Variants in DHX9 observed in about 807,000 individuals in gnomAD.
DHX9 encodes ATP-dependent RNA helicase A.
A neutral mutation model predicts 148.7 loss-of-function variants in DHX9; 27 were observed. That is an observed-to-expected ratio of 0.18 (90% CI 0.13 to 0.25). The LOEUF is 0.25. Among genes scored for constraint, DHX9 ranks in the 10% least tolerant of loss-of-function variants. DHX9 has a pLI of 1.00. For synonymous variants in DHX9, 529 were observed against 516.6 expected (o/e 1.02, Z -0.33); for missense variants, 796 against 1,559.6 (o/e 0.51, Z 8.25).
intron 3 of DHX9, among the ~76,000 whole-genome samples, chr1:182,846,100 C>G (rs917112749): frequency 6.6e-6 from 1 of 152,192 alleles, no homozygotes; most frequent in South Asian, 2.1e-4. Flanking sequence ...GTTCTGGTGA[C>G]CATCCCCCCA....
chr1:182,883,051 G>C (rs1467378028), intron 24 of DHX9, 88 bp from the exon 25 acceptor site: 2 of 895,636 alleles, frequency 2.2e-6, no homozygotes, highest in Non-Finnish European at 3.6e-6. Flanking sequence ...GGAAGAGTCA[G>C]TTCTCTGAAT....
rs369268294 is a variant in DHX9, at chr1:182,871,826, G to A, written c.1558-511G>A. ...TTAAAAATATAGTCGGCCGAGGCGG[G>A]TGGATCACTTGAGGCCAGGAGTTTG... On this transcript the variant is annotated intron_variant, in intron 14 of 27. Transcript: ENST00000367549. Among the ~76,000 whole-genome samples the A allele has an allele frequency of 9.8e-5, 15 of 152,318 alleles. No homozygotes were observed. In the East Asian group the frequency reaches 1.7e-3, roughly 18 times the overall value.
intron 16 of DHX9, 77 bp downstream of exon 16, chr1:182,875,031 C>A (rs1415573254): frequency 1.8e-6 from 2 of 1,115,906 alleles, no homozygotes; most frequent in East Asian, 2.4e-5. Flanking sequence ...ATGTAACATG[C>A]AATGTATTAG....
In DHX9 at chr1:182,872,365, A is replaced by T; in HGVS notation, c.1586A>T (p.Asp529Val). 1 of 1,612,932 alleles carries T rather than the reference A, an allele frequency of 6.2e-7. No individual in the cohort carries two copies. The change falls in exon 15 of 28, where the codon GAT becomes GTT. Residue 529 changes from aspartate to valine, a missense_variant. By Grantham distance (152) the Asp-to-Val change is radical. Transcript: ENST00000367549. ...GACTTCCTTTTGGTAGTACTGCGTG[A>T]TGTTGTTCAGGCTTATCCTGAAGTT... ...NTDFLLVVLR[D>V]VVQAYPEVRI...
At chr1:182,849,297 T>C (rs889398460) in intron 3 of DHX9, among the ~76,000 whole-genome samples, 3 of 152,220 alleles carry the variant, frequency 2.0e-5, no homozygotes, top group Admixed American at 1.3e-4. Context: ...TGCAACACTT[T>C]CAATTTTACT....
chr1:182,843,211 CTT>C lies in DHX9; in HGVS notation c.112-82_112-81del. On this transcript the variant is annotated intron_variant, in intron 2 of 27. Transcript: ENST00000367549. ...TCCTAAAGTTAGCTGTTTGTTGTCT[CTT>C]AATGGACTACTGAATTACGACTTTT... 3 of 1,109,874 alleles carry C rather than the reference CTT, an allele frequency of 2.7e-6. No homozygotes were observed. In the South Asian group the frequency reaches 7.0e-5, roughly 26 times the overall value. The allele number at this position is 1,109,874 out of a possible 1,614,324, so 68.8% of individuals were successfully genotyped here. A position where few individuals can be genotyped will look rare whatever the true frequency, so the allele number is the denominator to read the frequency against.
At chr1:182,840,390 C>G (rs1358553853) in intron 1 of DHX9, among the ~76,000 whole-genome samples, 1 of 149,082 alleles carries the variant, frequency 6.7e-6, no homozygotes, top group East Asian at 2.0e-4. Flanking sequence ...ACGTCGGTCT[C>G]CCGGGTTCAA....
intron 13 of DHX9, 30 bp downstream of exon 13, chr1:182,866,615 G>T (rs1449212071): frequency 6.3e-7 from 1 of 1,596,526 alleles, no homozygotes; most frequent in South Asian, 1.1e-5. Flanking sequence ...TTTTCATTTG[G>T]GGTTTATATT....
chr1:182,849,821 C>A (rs1039230164), intron 3 of DHX9, among the ~76,000 whole-genome samples: 7 of 151,426 alleles, frequency 4.6e-5, no homozygotes, highest in African/African-American at 1.7e-4. Context: ...TAATTGGATT[C>A]TTGGTCTTTT....
intron 1 of DHX9, 76 bp from the exon 2 acceptor site, chr1:182,842,469 C>T (rs1448798482): frequency 6.7e-6 from 5 of 749,400 alleles, no homozygotes; most frequent in African/African-American, 3.6e-5. Flanking sequence ...AACCCAGATT[C>T]AGTAATCTAG....
chr1:182,883,130 T>A lies in DHX9; in HGVS notation c.2915-9T>A. Reference sequence around the variant, plus strand: ...CTGATTTTTGTTTTCACTGTGCTCCTCTTAACAGATTGTTTGTTGACACAA... The same window carrying A: ...CTGATTTTTGTTTTCACTGTGCTCCACTTAACAGATTGTTTGTTGACACAA... On this transcript the variant is annotated splice_polypyrimidine_tract_variant and intron_variant, in intron 24 of 27. Transcript: ENST00000367549. 6.2e-7 allele frequency: 1 copy of A among 1,606,768 alleles called. No homozygotes were observed. The highest frequency in any genetic ancestry group is 1.7e-5 in the Admixed American group (1 of 60,008).
Position 182,878,363 on chromosome 1 carries a change from T to C in DHX9, c.2351+190T>C, listed in dbSNP as rs756674912. 3.4e-4 allele frequency among the ~76,000 whole-genome samples: 51 copies of C among 152,232 alleles called. 1 individual carries two copies. Among genetic ancestry groups the C allele is most frequent in the Admixed American group, 4.6e-4 (7 of 15,292 alleles). On this transcript the variant is annotated intron_variant, in intron 20 of 27. Transcript: ENST00000367549. ...AGAGAATAAGCCAGATTTAGAAATA[T>C]AGAGACCTAGATTTTAATATTATTT...
intron 23 of DHX9, 43 bp downstream of exon 23, chr1:182,881,468 G>T: frequency 6.2e-7 from 1 of 1,609,348 alleles, no homozygotes. Flanking sequence ...TTTCTCATTT[G>T]TATTTAGTTC....
chr1:182,885,118 T>A (rs1157856868), intron 27 of DHX9, among the ~76,000 whole-genome samples: 1 of 152,232 alleles, frequency 6.6e-6, no homozygotes, highest in African/African-American at 2.4e-5. Flanking sequence ...ACAGCCCAGA[T>A]AGCCCTTTTT....
At chr1:182,854,674 A>G (rs1469537372) in intron 6 of DHX9, among the ~76,000 whole-genome samples, 1 of 152,204 alleles carries the variant, frequency 6.6e-6, no homozygotes, top group Non-Finnish European at 1.5e-5. Flanking sequence ...TCCTAGTGAA[A>G]TTTAAGGGCT....
chr1:182,885,959 A>T (rs942598162), intron 27 of DHX9, among the ~76,000 whole-genome samples: 1 of 152,232 alleles, frequency 6.6e-6, no homozygotes, highest in Non-Finnish European at 1.5e-5. Flanking sequence ...TATGAAGGAT[A>T]ACAGTCCGGA....
intron 24 of DHX9, 136 bp downstream of exon 24, chr1:182,881,783 C>T (rs983392277): frequency 2.1e-5 from 19 of 906,618 alleles, no homozygotes; most frequent in African/African-American, 1.4e-4. Flanking sequence ...TCTTAGTTCT[C>T]GTGAACACTG....
chr1:182,887,454 C>T lies in DHX9; in HGVS notation c.*20C>T, dbSNP rs775086958. ...TATTAAAACTTGGTTATGTCAGTTC[C>T]TGTGTGTAGACAGTAAGGAAAAAAA... On this transcript the variant is annotated 3_prime_UTR_variant, in exon 28 of 28. Transcript: ENST00000367549. The T allele has an allele frequency of 6.2e-7, 1 of 1,603,438 alleles. No individual in the cohort carries two copies. Among genetic ancestry groups the T allele is most frequent in the Admixed American group, 1.7e-5 (1 of 58,914 alleles).
At position 182,850,586 on chromosome 1, in the gene DHX9, C is replaced by T. The variant is rs796270854; in HGVS notation, c.253-1647C>T. 6.1e-5 allele frequency among the ~76,000 whole-genome samples: 9 copies of T among 148,494 alleles called. 1 individual carries two copies. The highest frequency in any genetic ancestry group is 2.3e-4 in the African/African-American group (9 of 39,820). The stretch of plus-strand genomic sequence containing the variant: ...CTCCAGCCTGGGTGATGCAGTGAGA[C>T]CCTGTCTCAAAAAAAAAAAAAAAGG... On this transcript the variant is annotated intron_variant, in intron 3 of 27. Coordinates refer to ENST00000367549, the MANE Select transcript of DHX9 (RefSeq NM_001357.5).
Sources: gnomAD v4.1 joint callset for allele counts (sites outside exome capture counted in the v4.1 genomes callset) on GRCh38, gnomAD v4.1.1 for gene constraint, MANE v1.5 for transcripts, NCBI Gene and HGNC (gene_info 2026-07-23, HGNC 2026-07-21) for gene names.